The following CCDC92 variants were observed in gnomAD, a reference collection of about 807,000 sequenced individuals.
CCDC92 encodes the protein coiled-coil domain containing 92.
Under a neutral mutation model 24.9 loss-of-function variants are expected in CCDC92, and 12 were observed. The observed-to-expected ratio is 0.48, with a 90% confidence interval of 0.31 to 0.78. The LOEUF (loss-of-function observed/expected upper bound fraction) is 0.78, where lower values mean the gene tolerates loss of function less well. CCDC92 is among the 30% of genes least tolerant of loss of function. The probability of loss-of-function intolerance (pLI) is 0.05; values close to 1 mark genes in which losing one functional copy is unlikely to be tolerated. For synonymous variants in CCDC92, 193 were observed against 196.3 expected, an observed-to-expected ratio of 0.98 and a Z score of 0.14; for missense variants, 399 against 439.4, an observed-to-expected ratio of 0.91 and a Z score of 0.82.
intron 4 of CCDC92, among the ~76,000 whole-genome samples, chr12:123,939,173 G>C (rs1955611068): frequency 6.6e-6 from 1 of 152,142 alleles, no homozygotes; most frequent in African/African-American, 2.4e-5. Context: ...CCTAACTCCA[G>C]ACCTGCACGC....
intron 1 of CCDC92, among the ~76,000 whole-genome samples, chr12:123,954,535 T>C (rs1956105403): frequency 6.6e-6 from 1 of 152,212 alleles, no homozygotes; most frequent in African/African-American, 2.4e-5. Context: ...GCCTACATGA[T>C]GGACTTATTA....
At chr12:123,961,398 G>T (rs1440412223) in intron 1 of CCDC92, among the ~76,000 whole-genome samples, 2 of 152,214 alleles carry the variant, frequency 1.3e-5, no homozygotes, top group African/African-American at 4.8e-5. Flanking sequence ...GTTGGGACAG[G>T]AGGAAGCATT....
intron 4 of CCDC92, among the ~76,000 whole-genome samples, chr12:123,940,777 G>C (rs936863582): frequency 1.3e-5 from 2 of 152,168 alleles, no homozygotes; most frequent in Admixed American, 6.5e-5. Flanking sequence ...CCCTGGGCCC[G>C]CCCAGACTTC....
At chr12:123,972,236 G>C (rs1277711853) in intron 1 of CCDC92, 1 of 152,154 alleles carries the variant, frequency 6.6e-6, no homozygotes. Context: ...CCCCGCGGGG[G>C]CGGGCGCGGG....
At chr12:123,942,938 C>A (rs1286526763) in intron 3 of CCDC92, among the ~76,000 whole-genome samples, 153 bp from the exon 4 acceptor site, 1 of 152,198 alleles carries the variant, frequency 6.6e-6, no homozygotes, top group Non-Finnish European at 1.5e-5. Context: ...ATGAGAGCAG[C>A]AGAAAACATC....
At chr12:123,962,486 G>C (rs1418830653) in intron 1 of CCDC92, 1 of 152,310 alleles carries the variant, frequency 6.6e-6, no homozygotes, top group Non-Finnish European at 1.5e-5. Context: ...CACTTTTAAG[G>C]TGTTCTGGTT....
intron 1 of CCDC92, among the ~76,000 whole-genome samples, chr12:123,954,693 C>T (rs532788371): frequency 4.6e-5 from 7 of 152,348 alleles, no homozygotes; most frequent in South Asian, 2.1e-4. Context: ...TCTATATTTC[C>T]GGTTGCCCAC....
At chr12:123,940,663 T>C (rs1303532659) in intron 4 of CCDC92, among the ~76,000 whole-genome samples, 1 of 152,216 alleles carries the variant, frequency 6.6e-6, no homozygotes, top group East Asian at 1.9e-4. Context: ...GAAAGCTTGG[T>C]GCACACTGAG....
In CCDC92 at chr12:123,956,699, C is replaced by T. The variant is rs187986349; in HGVS notation, c.-59-12335G>A. ...TAACATCCAGAGACCAGTGAGAGAA[C>T]GGTAGAAGGCAAATAGGTGTTACTT... is the stretch of plus-strand genomic sequence containing the variant. On this transcript the variant is annotated intron_variant, in intron 1 of 4. Coordinates refer to ENST00000238156, the MANE Select transcript of CCDC92 (RefSeq NM_025140.3). Among the ~76,000 whole-genome samples, 164 of 152,298 alleles carry T rather than the reference C, an allele frequency of 1.1e-3. No homozygotes were observed. The South Asian group carries it at 0.014, about 13-fold the overall frequency.
chr12:123,964,525 T>G (rs1956346383), intron 1 of CCDC92, among the ~76,000 whole-genome samples: 1 of 152,260 alleles, frequency 6.6e-6, no homozygotes, highest in South Asian at 2.1e-4. Context: ...ATAGAAGAGA[T>G]AAAAATTCTG....
chr12:123,943,221 C>A (rs529075097), intron 3 of CCDC92, 126 bp downstream of exon 3: 2 of 972,628 alleles, frequency 2.1e-6, no homozygotes, highest in Non-Finnish European at 1.5e-6. Context: ...TGATATAAGG[C>A]ATTCAGATGG....
chr12:123,970,997 T>C (rs1474297197), intron 1 of CCDC92, among the ~76,000 whole-genome samples: 1 of 152,208 alleles, frequency 6.6e-6, no homozygotes, highest in Non-Finnish European at 1.5e-5. Context: ...GAAAGAGTTA[T>C]AAACCCAAGA....
intron 1 of CCDC92, chr12:123,970,200 G>A (rs1290323493): frequency 6.6e-6 from 1 of 152,228 alleles, no homozygotes; most frequent in South Asian, 2.1e-4. Context: ...GGGAAGTACA[G>A]AAGTCCTCGA....
chr12:123,951,781 G>GCCA (rs1205472214), intron 1 of CCDC92, among the ~76,000 whole-genome samples: 4 of 152,326 alleles, frequency 2.6e-5, no homozygotes, highest in South Asian at 2.1e-4. Flanking sequence ...AATGAAGGCT[G>GCCA]GCCAGAGAAC....
Position 123,937,772 on chromosome 12 carries a change from T to C in CCDC92, c.282A>G (p.Gln94=), listed in dbSNP as rs200883084. The C allele has an allele frequency of 1.6e-5, 26 of 1,613,862 alleles. No individual in the cohort carries two copies. In the Middle Eastern group the frequency reaches 4.9e-4, roughly 31 times the overall value. The change falls in exon 5 of 5, where the codon CAA becomes CAG. Residue 94 remains glutamine (Q), a synonymous_variant. Transcript: ENST00000238156. The surrounding 1 kb of genome is among the most constrained non-coding windows in gnomAD (Gnocchi z 8.4). ...CATTTTCGTTCTCTTTCACTTTCAG[T>C]TGGGCTTCCAGCTCTTCACATCTTT... ...LKKRCEELEA[Q]LKVKENENAE...
At chr12:123,942,370 G>T (rs545899374) in intron 4 of CCDC92, among the ~76,000 whole-genome samples, 2 of 152,214 alleles carry the variant, frequency 1.3e-5, no homozygotes, top group Non-Finnish European at 2.9e-5. Flanking sequence ...ACGGAGGAGC[G>T]GGGGCGGTTC....
intron 1 of CCDC92, among the ~76,000 whole-genome samples, chr12:123,965,079 T>C (rs879770152): frequency 2.0e-5 from 3 of 152,230 alleles, no homozygotes; most frequent in Non-Finnish European, 4.4e-5. Flanking sequence ...TTTTTTTAAA[T>C]ACTTGTTCTT....
intron 4 of CCDC92, among the ~76,000 whole-genome samples, chr12:123,941,694 TGAGC>T (rs1955689793): frequency 6.6e-6 from 1 of 152,250 alleles, no homozygotes; most frequent in Admixed American, 6.5e-5. Flanking sequence ...TGCGCAGGGC[TGAGC>T]GAGCCCTGGA....
In CCDC92 at chr12:123,937,564, C is replaced by G; in HGVS notation, c.490G>C (p.Ala164Pro). The change falls in exon 5 of 5, where the codon GCC (alanine) becomes CCC (proline). Residue 164 changes from alanine to proline, a missense_variant. Physicochemically the swap from Ala to Pro is conservative, Grantham distance 27 (BLOSUM62 -1). Coordinates refer to ENST00000238156, the MANE Select transcript of CCDC92 (RefSeq NM_025140.3). This position sits in a 1 kb window ranked among gnomAD's most constrained non-coding sequence, Gnocchi z 8.4. Reference sequence around the variant, plus strand: ...GAGCTCATGAGCTTCTTCTTGGCGGCGTGCAGCTGGGAGGTCAGGTAGGCG... The same window carrying G: ...GAGCTCATGAGCTTCTTCTTGGCGGGGTGCAGCTGGGAGGTCAGGTAGGCG... ...TIAYLTSQLHAAKKKLMSSSG... is the reference protein window; with the variant it reads ...TIAYLTSQLHPAKKKLMSSSG... The G allele has an allele frequency of 1.2e-6, 2 of 1,612,888 alleles. No homozygotes were observed. Among genetic ancestry groups the G allele is most frequent in the Non-Finnish European group, 1.7e-6 (2 of 1,180,022 alleles).
Sources: gnomAD v4.1 joint callset for allele counts (sites outside exome capture counted in the v4.1 genomes callset) on GRCh38, gnomAD v4.1.1 for gene constraint, Gnocchi (gnomAD v3.1) non-coding constraint, MANE v1.5 for transcripts, NCBI Gene and HGNC (gene_info 2026-07-23, HGNC 2026-07-21) for gene names.